The following TBL1Y variants were observed in gnomAD, a reference collection of about 807,000 sequenced individuals.
TBL1Y encodes the protein transducin beta like 1 Y-linked.
TBL1Y carries 15 observed loss-of-function variants against 12.0 expected under a neutral mutation model. The ratio of observed to expected loss-of-function variants is 1.25; its 90% CI spans 0.83 to 1.92. The LOEUF is 1.92. TBL1Y is among the 40% of genes most tolerant of loss of function. The pLI is 0.00. For missense variants in TBL1Y, 148 were observed against 116.7 expected, an observed-to-expected ratio of 1.27 and a Z score of -1.24; for synonymous variants, 53 against 42.6, an observed-to-expected ratio of 1.24 and a Z score of -0.95.
chrY:7,085,270 A>T (rs371497729), intron 14 of TBL1Y, among the ~76,000 whole-genome samples: 1,460 of 30,845 alleles, frequency 0.047, no homozygotes, highest in Middle Eastern at 0.39. Context: ...AGCTACCTAC[A>T]TTGGAGGCCA....
chrY:7,049,714 G>GT (rs2012784932), intron 7 of TBL1Y, among the ~76,000 whole-genome samples: 2 of 33,827 alleles, frequency 5.9e-5, no homozygotes, highest in East Asian at 1.6e-3. Flanking sequence ...TGATTGGGTT[G>GT]TTTTTATTTT....
chrY:7,048,930 G>C (rs2012778187), intron 7 of TBL1Y, among the ~76,000 whole-genome samples: 16 of 32,084 alleles, frequency 5.0e-4, no homozygotes, highest in Non-Finnish European at 6.8e-4. Context: ...TGTGCACAAC[G>C]TGCAGGTTTG....
At chrY:6,991,228 A>G (rs2012361414) in intron 3 of TBL1Y, among the ~76,000 whole-genome samples, 1 of 33,808 alleles carries the variant, frequency 3.0e-5, no homozygotes, top group African/African-American at 1.2e-4. Context: ...TCCTTTAGGA[A>G]CAGTGCTGCC....
chrY:6,992,673 G>C (rs2012375333), intron 3 of TBL1Y, among the ~76,000 whole-genome samples: 1 of 33,500 alleles, frequency 3.0e-5, no homozygotes, highest in Non-Finnish European at 7.4e-5. Flanking sequence ...CTCTCAGCAG[G>C]GCACGGTCAT....
chrY:6,912,672 A>C (rs2011704447), intron 2 of TBL1Y, among the ~76,000 whole-genome samples: 3 of 32,267 alleles, frequency 9.3e-5, no homozygotes, highest in Non-Finnish European at 1.5e-4. Context: ...CTTTACTGAA[A>C]ATACAAAAGT....
intron 3 of TBL1Y, among the ~76,000 whole-genome samples, chrY:6,987,702 CA>C (rs1326113677): frequency 0.038 from 1,271 of 33,488 alleles, no homozygotes; most frequent in Middle Eastern, 0.28. Flanking sequence ...GTGTGAGATC[CA>C]TCCCAGTTAT....
intron 2 of TBL1Y, among the ~76,000 whole-genome samples, chrY:6,928,026 C>T (rs372584154): frequency 3.0e-5 from 1 of 32,919 alleles, no homozygotes; most frequent in South Asian, 6.9e-4. Context: ...TAGGACTCAC[C>T]GCCAAACTTA....
At position 7,070,741 on chromosome Y, in the gene TBL1Y, G is replaced by C; in HGVS notation, c.612G>C (p.Arg204Ser). Residue 204 changes from arginine to serine, a missense_variant, in exon 10 of 19, where the codon AGG (arginine) becomes AGC (serine). Transcript: ENST00000383032. ...LASGSGDSTA[R>S]IWNLNENSNG... is the part of the protein sequence containing the mutation. ...GTAGATCTGGAGACTCAACTGCAAG[G>C]ATATGGAACCTGAATGAGAATAGCA... 1 of 398,448 alleles carries C rather than the reference G, an allele frequency of 2.5e-6. No homozygotes were observed. The highest frequency in any genetic ancestry group is 3.5e-6 in the Non-Finnish European group (1 of 283,566).
intron 2 of TBL1Y, among the ~76,000 whole-genome samples, chrY:6,931,945 G>T (rs2011868269): frequency 2.9e-5 from 1 of 33,958 alleles, no homozygotes; most frequent in African/African-American, 1.1e-4. Context: ...GATGTTGTAA[G>T]GGAAGTTTGG....
intron 13 of TBL1Y, among the ~76,000 whole-genome samples, chrY:7,078,263 C>G (rs963718117): frequency 1.5e-4 from 5 of 34,290 alleles, no homozygotes; most frequent in Non-Finnish European, 3.6e-4. Context: ...GAAGTTAACC[C>G]TCTATTTTCC....
intron 3 of TBL1Y, among the ~76,000 whole-genome samples, chrY:6,991,451 G>A: frequency 3.0e-5 from 1 of 33,309 alleles, no homozygotes; most frequent in Non-Finnish European, 7.4e-5. Context: ...CCACTTCAAC[G>A]GAGATGTATT....
chrY:7,021,470 G>A lies in TBL1Y; in HGVS notation c.-118G>A. 3.0e-5 allele frequency: 1 copy of A among 32,999 alleles called. No individual in the cohort carries two copies. The allele number at this position is 32,999 out of a possible 400,897, so 8.2% of individuals were successfully genotyped here. The stretch of plus-strand genomic sequence containing the variant: ...CTAGGCTGGTCCCCACAGACGGCTT[G>A]CCATTTCTATGACTGGATGCTGAGA... On this transcript the variant is annotated 5_prime_UTR_variant, in exon 5 of 19. Coordinates refer to ENST00000383032, the MANE Select transcript of TBL1Y (RefSeq NM_033284.2).
intron 2 of TBL1Y, chrY:6,919,855 C>T: frequency 2.9e-5 from 1 of 33,974 alleles, no homozygotes; most frequent in Non-Finnish European, 7.3e-5. Context: ...TAATGAGCAG[C>T]ACCCTTCTGC....
intron 7 of TBL1Y, among the ~76,000 whole-genome samples, chrY:7,056,641 T>A: frequency 6.0e-5 from 2 of 33,177 alleles, no homozygotes; most frequent in South Asian, 1.4e-3. Flanking sequence ...AATGGCCTTT[T>A]TGTCCTGAAT....
Position 6,995,909 on chromosome Y carries a change from A to G in TBL1Y, c.-140+11A>G, listed in dbSNP as rs2012408405. On this transcript the variant is annotated intron_variant, in intron 4 of 18. Coordinates refer to ENST00000383032, the MANE Select transcript of TBL1Y (RefSeq NM_033284.2). Reference sequence around the variant, plus strand: ...TTTCTCCCTAAAGAGGTAACTTCTCATGTTTGCTGGTTCACAGGTGTAGGG... The same window carrying G: ...TTTCTCCCTAAAGAGGTAACTTCTCGTGTTTGCTGGTTCACAGGTGTAGGG... 3.2e-5 allele frequency: 1 copy of G among 31,446 alleles called. No homozygotes were observed. The highest frequency in any genetic ancestry group is 1.3e-4 in the African/African-American group (1 of 7,737). 7.8% of individuals were successfully genotyped at this position (31,446 alleles called of 400,897 possible).
intron 8 of TBL1Y, among the ~76,000 whole-genome samples, chrY:7,064,635 G>C (rs2012959603): frequency 3.0e-5 from 1 of 33,640 alleles, no homozygotes; most frequent in Non-Finnish European, 7.3e-5. Context: ...CAAGTACATG[G>C]TAAGTCAGTG....
intron 4 of TBL1Y, among the ~76,000 whole-genome samples, chrY:7,016,218 T>C: frequency 3.1e-5 from 1 of 32,202 alleles, no homozygotes; most frequent in Non-Finnish European, 7.5e-5. Flanking sequence ...GGCCTCGCCG[T>C]GAGCACCCAA....
chrY:6,924,363 C>T (rs1603025451), intron 2 of TBL1Y, among the ~76,000 whole-genome samples: 4 of 31,739 alleles, frequency 1.3e-4, no homozygotes, highest in African/African-American at 2.5e-4. Context: ...CTGAGGCGGG[C>T]GGATCACGAG....
At chrY:6,999,821 C>T in intron 4 of TBL1Y, among the ~76,000 whole-genome samples, 1 of 18,805 alleles carries the variant, frequency 5.3e-5, no homozygotes, top group Non-Finnish European at 1.2e-4. Context: ...TCTCCTCTCC[C>T]CCGTCTTCTC....
Sources: allele counts gnomAD v4.1 joint callset (sites outside exome capture counted in the v4.1 genomes callset), GRCh38; gene constraint gnomAD v4.1.1; transcripts MANE v1.5; gene names NCBI Gene and HGNC (gene_info 2026-07-23, HGNC 2026-07-21).